KLHDC4: variants seen among roughly 807,000 people sequenced by gnomAD.
KLHDC4 encodes kelch domain-containing protein 4.
KLHDC4 carries 90 observed loss-of-function variants against 62.4 expected under a neutral mutation model. That is an observed-to-expected ratio of 1.44 (90% CI 1.22 to 1.72). KLHDC4 has a LOEUF of 1.72. Among genes scored for constraint, KLHDC4 ranks in the 40% most tolerant of loss-of-function variants. KLHDC4 has a pLI of 0.00. For synonymous variants in KLHDC4, 386 were observed against 284.4 expected, an observed-to-expected ratio of 1.36 and a Z score of -3.59; for missense variants, 1,025 against 699.7, an observed-to-expected ratio of 1.47 and a Z score of -5.25.
chr16:87,749,421 G>T (rs980601319), intron 4 of KLHDC4, among the ~76,000 whole-genome samples: 1 of 152,026 alleles, frequency 6.6e-6, no homozygotes, highest in Non-Finnish European at 1.5e-5. Context: ...GGGCATGGTG[G>T]CATGCACCTG....
At chr16:87,730,869 C>T (rs1053272604) in intron 5 of KLHDC4, 1 of 458,798 alleles carries the variant, frequency 2.2e-6, no homozygotes, top group African/African-American at 2.0e-5. Context: ...AGGAGAACAT[C>T]TCCAAGACCT....
intron 8 of KLHDC4, among the ~76,000 whole-genome samples, chr16:87,713,325 G>A (rs140413582): frequency 4.1e-4 from 61 of 149,930 alleles, no homozygotes; most frequent in Non-Finnish European, 7.4e-4. Flanking sequence ...TCAGCCTCCC[G>A]AGTAGCTGGA....
At chr16:87,762,286 C>T (rs1437138140) in intron 1 of KLHDC4, 2 of 612,618 alleles carry the variant, frequency 3.3e-6, no homozygotes, top group South Asian at 2.8e-5. Context: ...ACCCTTAACG[C>T]TCCCTCTGCA....
rs1245793401 is a variant in KLHDC4, at chr16:87,760,383, G to A, written c.191+1566C>T. Reference sequence around the variant, plus strand: ...AGCACTCTGGGAGGCTGAGGCGGGCGGATCACGAGGTCAGAAGATCAAGAC... The same window carrying A: ...AGCACTCTGGGAGGCTGAGGCGGGCAGATCACGAGGTCAGAAGATCAAGAC... On this transcript the variant is annotated intron_variant, in intron 2 of 11. Transcript: ENST00000270583. 4.0e-5 allele frequency among the ~76,000 whole-genome samples: 6 copies of A among 151,454 alleles called. No homozygotes were observed. In the East Asian group the frequency reaches 5.8e-4, roughly 15 times the overall value.
intron 6 of KLHDC4, among the ~76,000 whole-genome samples, chr16:87,727,986 A>G (rs1242876265): frequency 6.6e-6 from 1 of 152,112 alleles, no homozygotes; most frequent in Non-Finnish European, 1.5e-5. Context: ...AGGAGTTCAA[A>G]AACAGCCTGG....
At chr16:87,702,529 C>T (rs1454074540) in exon 1 of KLHDC4, 9 of 354,830 alleles carry the variant, frequency 2.5e-5, no homozygotes, top group East Asian at 1.5e-4. Context: ...GTGGCCTCCT[C>T]GGGGGCAGGC....
At chr16:87,720,970 C>T (rs2038183609) in intron 7 of KLHDC4, among the ~76,000 whole-genome samples, 1 of 152,226 alleles carries the variant, frequency 6.6e-6, no homozygotes, top group South Asian at 2.1e-4. Context: ...GGGACAAGGC[C>T]CTGCCTGCTT....
intron 7 of KLHDC4, among the ~76,000 whole-genome samples, chr16:87,721,445 C>T (rs1597478326): frequency 6.6e-6 from 1 of 150,618 alleles, no homozygotes; most frequent in Admixed American, 6.6e-5. Context: ...AAAAATACAC[C>T]CAGAAACAGG....
At chr16:87,726,960 C>A (rs1475272857) in intron 6 of KLHDC4, 36 bp from the exon 7 acceptor site, 4 of 1,608,160 alleles carry the variant, frequency 2.5e-6, no homozygotes, top group Non-Finnish European at 3.4e-6. Context: ...GGGTCCGTAA[C>A]ATTGGGAAAA....
rs1356970312 is a variant in KLHDC4, at chr16:87,736,920, TTC to T, written c.507-6278_507-6277del. 2.7e-5 allele frequency among the ~76,000 whole-genome samples: 4 copies of T among 150,554 alleles called. No individual in the cohort carries two copies. The East Asian group carries it at 7.9e-4, about 30-fold the overall frequency. On this transcript the variant is annotated intron_variant, in intron 5 of 11. Transcript: ENST00000270583. ...TGGGTGGATCACCTGAGGTCAGGAG[TTC>T]GAGACCAGCCTGGCCAACATGGTAA...
At chr16:87,716,071 A>C (rs1304254297) in intron 7 of KLHDC4, among the ~76,000 whole-genome samples, 16 of 152,132 alleles carry the variant, frequency 1.1e-4, no homozygotes, top group Non-Finnish European at 4.4e-5. Context: ...CACAGACTTC[A>C]GGTACGCTCT....
downstream of KLHDC4, among the ~76,000 whole-genome samples, chr16:87,706,766 G>A (rs2034784257): frequency 1.3e-5 from 2 of 152,176 alleles, no homozygotes; most frequent in Admixed American, 6.5e-5. Flanking sequence ...CTGGCCGAGT[G>A]CCCCTGAGAT....
At chr16:87,748,547 G>T (rs2043395628) in intron 5 of KLHDC4, 126 bp downstream of exon 5, 4 of 1,222,126 alleles carry the variant, frequency 3.3e-6, no homozygotes, top group Non-Finnish European at 2.3e-6. Flanking sequence ...GCGAGGCTGG[G>T]CTCCAGGACT....
chr16:87,704,216 G>A (rs1197916156), downstream of KLHDC4, among the ~76,000 whole-genome samples: 1 of 152,214 alleles, frequency 6.6e-6, no homozygotes, highest in African/African-American at 2.4e-5. Flanking sequence ...TCACCTGAAC[G>A]ACACGTGGAA....
rs538672494 is a variant in KLHDC4, at chr16:87,702,307, G to A, written c.208C>T (p.Pro70Ser). 1.0e-3 allele frequency: 478 copies of A among 456,230 alleles called. 7 individuals are homozygous for A. The highest frequency in any genetic ancestry group is 5.5e-3 in the South Asian group (353 of 64,562). The allele number at this position is 456,230 out of a possible 1,614,324, so 28.3% of individuals were successfully genotyped here. A position where few individuals can be genotyped will look rare whatever the true frequency, so the allele number is the denominator to read the frequency against. ...TGGCAAGGAGGGCCGGTCTGCCGGG[G>A]GCTCCCAGGCCCTGGGGTCAGGCTG... The change falls in exon 1 of 1, where the codon CCC (proline) becomes TCC (serine). Residue 70 changes from proline (P) to serine (S), a missense_variant. Physicochemically the swap from Pro to Ser is moderately conservative, Grantham distance 74. Transcript: ENST00000446344.
In KLHDC4 at chr16:87,748,676, A is replaced by T; in HGVS notation, c.503T>A (p.Val168Asp). The T allele has an allele frequency of 6.2e-7, 1 of 1,612,664 alleles. No homozygotes were observed. Among genetic ancestry groups the T allele is most frequent in the Non-Finnish European group, 8.5e-7 (1 of 1,179,650 alleles). The change falls in exon 5 of 12, where the codon GTC becomes GAC. Residue 168 changes from valine to aspartate, a missense_variant. Coordinates refer to ENST00000270583, the MANE Select transcript of KLHDC4 (RefSeq NM_017566.4). The stretch of plus-strand genomic sequence containing the variant: ...AGCTTCTCATCTGGCTTCTTACTTG[A>T]CTTGTTCCCAGGTCTTGGTGGCCAA... ...LHLATKTWEQ[V>D]KSTGGPSGRS...
intron 6 of KLHDC4, among the ~76,000 whole-genome samples, chr16:87,730,263 T>C (rs1006599550): frequency 6.6e-6 from 1 of 152,234 alleles, no homozygotes; most frequent in Admixed American, 6.5e-5. Context: ...CAAAACCCCA[T>C]TTTAGATAGA....
intron 5 of KLHDC4, among the ~76,000 whole-genome samples, chr16:87,732,396 A>T (rs67419743): frequency 1.3e-5 from 2 of 152,102 alleles, no homozygotes; most frequent in South Asian, 4.1e-4. Context: ...GCCTCTGGTC[A>T]GGTGTGTATA....
intron 7 of KLHDC4, among the ~76,000 whole-genome samples, chr16:87,715,510 C>T (rs2036779799): frequency 6.6e-6 from 1 of 152,204 alleles, no homozygotes. Context: ...CTGGCCGTTT[C>T]GTCCTGTCGC....
Sources: gnomAD v4.1 joint callset for allele counts (sites outside exome capture counted in the v4.1 genomes callset) on GRCh38, gnomAD v4.1.1 for gene constraint, MANE v1.5 for transcripts, NCBI Gene and HGNC (gene_info 2026-07-23, HGNC 2026-07-21) for gene names.